NTM: variants seen among roughly 807,000 people sequenced by gnomAD.
NTM encodes IgLON family member 2.
Under a neutral mutation model 42.1 loss-of-function variants are expected in NTM, and 13 were observed. The observed-to-expected ratio is 0.31, with a 90% CI of 0.20 to 0.49. The LOEUF is 0.49. NTM is among the 20% of genes least tolerant of loss of function. The pLI, the probability that NTM is intolerant of heterozygous loss-of-function variation, is 0.99. For missense variants in NTM, 373 were observed against 452.8 expected (o/e 0.82, Z 1.60); for synonymous variants, 187 against 179.2 (o/e 1.04, Z -0.35).
chr11:131,912,831 A>G (rs990784077), intron 2 of NTM, among the ~76,000 whole-genome samples: 5 of 152,164 alleles, frequency 3.3e-5, no homozygotes, highest in Admixed American at 3.3e-4. Flanking sequence ...GTTGTTTTGG[A>G]CTGTATACTT....
intron 1 of NTM, among the ~76,000 whole-genome samples, chr11:131,469,401 G>A (rs1952207980): frequency 6.6e-6 from 1 of 152,258 alleles, no homozygotes; most frequent in Admixed American, 6.5e-5. Context: ...TGACACTTGG[G>A]TATAAATGAG....
intron 1 of NTM, among the ~76,000 whole-genome samples, chr11:131,410,773 C>T (rs1319549139): frequency 2.0e-5 from 3 of 152,166 alleles, no homozygotes; most frequent in South Asian, 2.1e-4. Context: ...TGCTTAAAAC[C>T]CATTTATGCC....
chr11:132,119,909 G>C (rs2064490806), intron 2 of NTM, among the ~76,000 whole-genome samples: 1 of 152,270 alleles, frequency 6.6e-6, no homozygotes. Context: ...CCTTGCATCA[G>C]CTCCTGGGGA....
chr11:131,789,425 AGAAG>A (rs765323206), intron 1 of NTM, among the ~76,000 whole-genome samples: 5 of 19,358 alleles, frequency 2.6e-4, no homozygotes, highest in African/African-American at 1.1e-3. Context: ...GAAAAAAAGA[AGAAG>A]GAAGAAGAAG....
chr11:131,510,148 A>G lies in NTM; in HGVS notation c.82+139260A>G, dbSNP rs539676748. On this transcript the variant is annotated intron_variant, in intron 1 of 8. Transcript: ENST00000683400. ...AAATTTACATGCGGGATGAAGCAAC[A>G]CAAACTGTCCCACTTAGGGGGAAAG... 6.7e-4 allele frequency among the ~76,000 whole-genome samples: 102 copies of G among 152,338 alleles called. 1 individual carries two copies. The Middle Eastern group carries it at 0.01, about 15-fold the overall frequency.
chr11:131,585,671 A>G (rs985840292), intron 1 of NTM, among the ~76,000 whole-genome samples: 7 of 152,142 alleles, frequency 4.6e-5, no homozygotes, highest in African/African-American at 2.4e-5. Flanking sequence ...TCTCTATCTC[A>G]TTTCATGCCT....
intron 1 of NTM, among the ~76,000 whole-genome samples, chr11:131,670,693 TC>T (rs1227868510): frequency 2.0e-5 from 3 of 152,126 alleles, no homozygotes; most frequent in African/African-American, 7.2e-5. Context: ...TGTCCCCTTC[TC>T]CTCCCTGCCT....
intron 2 of NTM, among the ~76,000 whole-genome samples, chr11:132,030,152 T>C (rs947802777): frequency 1.3e-5 from 2 of 152,154 alleles, no homozygotes; most frequent in African/African-American, 4.8e-5. Flanking sequence ...ACTGAGGCCA[T>C]CTACACCTAA....
At chr11:132,084,258 A>G (rs1031016971) in intron 2 of NTM, among the ~76,000 whole-genome samples, 2 of 152,190 alleles carry the variant, frequency 1.3e-5, no homozygotes, top group African/African-American at 4.8e-5. Context: ...GCTACAATCA[A>G]AAACATGATT....
chr11:131,510,776 T>C (rs2048127117), intron 1 of NTM, among the ~76,000 whole-genome samples: 2 of 152,178 alleles, frequency 1.3e-5, no homozygotes, highest in South Asian at 4.1e-4. Flanking sequence ...CAGTCAAGGT[T>C]TGTGCCCCAG....
intron 1 of NTM, among the ~76,000 whole-genome samples, chr11:131,435,563 G>C (rs7396108): frequency 0.38 from 57,518 of 152,040 alleles, 11,704 homozygotes; most frequent in Non-Finnish European, 0.46. Flanking sequence ...TTCTGAATGG[G>C]AGTTCACTCA....
intron 1 of NTM, among the ~76,000 whole-genome samples, chr11:131,503,410 G>C (rs371093154): frequency 2.6e-5 from 4 of 152,138 alleles, no homozygotes; most frequent in South Asian, 2.1e-4. Flanking sequence ...AAGAAGTGAG[G>C]TCCTCACCGA....
chr11:132,284,307 A>T (rs2094134105), intron 4 of NTM: 1 of 152,172 alleles, frequency 6.6e-6, no homozygotes, highest in African/African-American at 2.4e-5. Flanking sequence ...CTGAGCTAAA[A>T]CAGTCGGCCT....
Position 131,825,057 on chromosome 11 carries a change from A to G in NTM, c.83-86507A>G, listed in dbSNP as rs371706016. Among the ~76,000 whole-genome samples the G allele has an allele frequency of 1.1e-4, 17 of 152,312 alleles. No homozygotes were observed. In the South Asian group the frequency reaches 3.5e-3, roughly 32 times the overall value. On this transcript the variant is annotated intron_variant, in intron 1 of 8. Coordinates refer to ENST00000683400, the MANE Select transcript of NTM (RefSeq NM_001352005.2). ...AGAAGTCTGCAATCACAGTGTTGGC[A>G]GGGTGGTTCCTTCTGAGGGCTATGA...
At chr11:131,788,609 C>T (rs2136078251) in intron 1 of NTM, among the ~76,000 whole-genome samples, 1 of 152,288 alleles carries the variant, frequency 6.6e-6, no homozygotes, top group South Asian at 2.1e-4. Context: ...AATATAACTT[C>T]CTCACCAAGA....
intron 1 of NTM, among the ~76,000 whole-genome samples, chr11:131,449,462 T>G (rs1950317494): frequency 6.6e-6 from 1 of 152,082 alleles, no homozygotes; most frequent in Non-Finnish European, 1.5e-5. Context: ...TGCCCAGGGG[T>G]GCACAGCAGG....
chr11:131,937,175 TC>T (rs2059312786), intron 2 of NTM, among the ~76,000 whole-genome samples: 1 of 152,226 alleles, frequency 6.6e-6, no homozygotes, highest in East Asian at 1.9e-4. Flanking sequence ...GCGTTTTCAC[TC>T]AGGAGTAGAG....
intron 7 of NTM, among the ~76,000 whole-genome samples, chr11:132,320,743 A>G (rs549789940): frequency 1.3e-5 from 2 of 152,020 alleles, no homozygotes; most frequent in East Asian, 3.9e-4. Flanking sequence ...AAACAAAAAG[A>G]CAGCAGTAAC....
intron 4 of NTM, among the ~76,000 whole-genome samples, chr11:132,256,360 C>T (rs1566592527): frequency 6.6e-6 from 1 of 152,248 alleles, no homozygotes; most frequent in Non-Finnish European, 1.5e-5. Context: ...CCTCCAGTGT[C>T]CATCACTGGG....
Sources: gnomAD v4.1 joint callset for allele counts (sites outside exome capture counted in the v4.1 genomes callset) on GRCh38, gnomAD v4.1.1 for gene constraint, MANE v1.5 for transcripts, NCBI Gene and HGNC (gene_info 2026-07-23, HGNC 2026-07-21) for gene names.